The following NPAS1 variants were observed in gnomAD, a reference collection of about 807,000 sequenced individuals.
NPAS1 encodes neuronal PAS domain-containing protein 1.
In NPAS1, 29 loss-of-function variants were observed where a neutral mutation model predicts 49.2. That is an observed-to-expected ratio of 0.59 (90% confidence interval 0.44 to 0.80). The LOEUF is 0.80. NPAS1 is among the 30% of genes least tolerant of loss of function. The probability of loss-of-function intolerance (pLI) is 0.00; values close to 1 mark genes in which losing one functional copy is unlikely to be tolerated. For missense variants in NPAS1, 825 were observed against 835.5 expected (o/e 0.99, Z 0.15); for synonymous variants, 408 against 380.4 (o/e 1.07, Z -0.84).
intron 5 of NPAS1, 123 bp from the exon 6 acceptor site, chr19:47,035,837 TAAAA>T (rs376623293): frequency 4.1e-6 from 4 of 973,706 alleles, no homozygotes; most frequent in African/African-American, 1.7e-5. Flanking sequence ...TTTCTTTTCT[TAAAA>T]AAACACACTG....
intron 3 of NPAS1, among the ~76,000 whole-genome samples, chr19:47,022,470 G>A (rs932473992): frequency 6.6e-6 from 1 of 152,260 alleles, no homozygotes; most frequent in Admixed American, 6.5e-5. Context: ...CTCCCCCAGG[G>A]GGCTGAGCAG....
At chr19:47,033,012 T>G (rs1241218374) in intron 5 of NPAS1, among the ~76,000 whole-genome samples, 9 of 152,284 alleles carry the variant, frequency 5.9e-5, no homozygotes, top group Non-Finnish European at 8.8e-5. Context: ...CGATCTTCGC[T>G]CAGTGCAACC....
intron 3 of NPAS1, among the ~76,000 whole-genome samples, chr19:47,029,007 T>TCTCTG (rs1409553401): frequency 6.6e-6 from 1 of 152,082 alleles, no homozygotes; most frequent in Non-Finnish European, 1.5e-5. Context: ...TCTCTGTCTC[T>TCTCTG]CTCTGCATCT....
At chr19:47,040,757 G>T in intron 9 of NPAS1, 2 of 598,830 alleles carry the variant, frequency 3.3e-6, no homozygotes, top group Non-Finnish European at 2.9e-6. Flanking sequence ...GGTCTGGGGG[G>T]CTGTGGGGTC....
At position 47,032,308 on chromosome 19, in the gene NPAS1, T is replaced by C; in HGVS notation, c.389T>C (p.Val130Ala). Residue 130 changes from valine (V) to alanine (A), a missense_variant, in exon 4 of 12, where the codon GTC becomes GCC. Coordinates refer to ENST00000602212, the MANE Select transcript of NPAS1 (RefSeq NM_002517.4). The part of the protein sequence containing the change: ...APGRRGPAAL[V>A]SEVFEQHLGG... ...GGCCGCCGCGGCCCCGCAGCGCTGGTCTCCGAAGTCTTCGAGCAGCACCTG... is the reference window on the plus strand; with the variant it reads ...GGCCGCCGCGGCCCCGCAGCGCTGGCCTCCGAAGTCTTCGAGCAGCACCTG... The C allele has an allele frequency of 6.2e-7, 1 of 1,613,958 alleles. No homozygotes were observed. The highest frequency in any genetic ancestry group is 8.5e-7 in the Non-Finnish European group (1 of 1,179,998).
At chr19:47,027,558 G>C (rs1431327983) in intron 3 of NPAS1, among the ~76,000 whole-genome samples, 4 of 18,648 alleles carry the variant, frequency 2.1e-4, no homozygotes, top group South Asian at 9.2e-4. Context: ...TCTCCTGTCT[G>C]TCTGCCCCTG....
At chr19:47,028,236 C>T (rs2056886158) in intron 3 of NPAS1, among the ~76,000 whole-genome samples, 1 of 152,122 alleles carries the variant, frequency 6.6e-6, no homozygotes, top group African/African-American at 2.4e-5. Context: ...AGCATTGTTC[C>T]TGCCTGTCAC....
At chr19:47,020,302 G>C (rs1386645465) in intron 1 of NPAS1, among the ~76,000 whole-genome samples, 1 of 152,060 alleles carries the variant, frequency 6.6e-6, no homozygotes, top group African/African-American at 2.4e-5. Flanking sequence ...GGGATCAGGA[G>C]ACCAGGACAC....
chr19:47,028,137 C>T (rs1283726927), intron 3 of NPAS1, among the ~76,000 whole-genome samples: 1 of 151,616 alleles, frequency 6.6e-6, no homozygotes, highest in East Asian at 1.9e-4. Flanking sequence ...TTAATTGCAG[C>T]GGTTCAGTCT....
rs1467052003 is a variant in NPAS1 at position 47,021,263 on chromosome 19, C to T, written c.122+94C>T. ...CCCGTGCCAAGGGGCAGTTCACACC[C>T]AGCTCCCTGACCCGCCCCTTAGGGC... is the stretch of plus-strand genomic sequence containing the variant. On this transcript the variant is annotated intron_variant, in intron 2 of 11. Coordinates refer to ENST00000602212, the MANE Select transcript of NPAS1 (RefSeq NM_002517.4). This position sits in a 1 kb window ranked among gnomAD's most constrained non-coding sequence, Gnocchi z 5.7. The T allele has an allele frequency of 8.4e-5, 98 of 1,170,512 alleles. No individual in the cohort carries two copies. The highest frequency in any genetic ancestry group is 1.1e-4 in the Non-Finnish European group (95 of 853,410). The allele number at this position is 1,170,512 out of a possible 1,614,324, so 72.5% of individuals were successfully genotyped here.
intron 11 of NPAS1, among the ~76,000 whole-genome samples, chr19:47,044,846 A>G (rs1568512498): frequency 6.6e-6 from 1 of 152,112 alleles, no homozygotes; most frequent in Non-Finnish European, 1.5e-5. Context: ...TCTGGCCAAC[A>G]TGGCGACACC....
chr19:47,033,686 G>A (rs373866534), intron 5 of NPAS1, among the ~76,000 whole-genome samples: 12 of 151,976 alleles, frequency 7.9e-5, no homozygotes, highest in East Asian at 1.9e-4. Flanking sequence ...GGCCACCCAC[G>A]CTGGCTCATG....
At chr19:47,040,385 C>G (rs1599919126) in intron 8 of NPAS1, 59 bp from the exon 9 acceptor site, 3 of 1,219,134 alleles carry the variant, frequency 2.5e-6, no homozygotes, top group Non-Finnish European at 3.5e-6. Context: ...GGAGCCAACT[C>G]TGCCTCTCCC....
rs1243355023 is a variant in NPAS1 at position 47,020,994 on chromosome 19, C to T, written c.-42-12C>T. On this transcript the variant is annotated splice_polypyrimidine_tract_variant and intron_variant, in intron 1 of 11. Coordinates refer to ENST00000602212, the MANE Select transcript of NPAS1 (RefSeq NM_002517.4). ...GGCACTAAGCGTTGCCCCTGGCCCC[C>T]TCCCGCTGCAGGAGACTCGGGGCTC... The T allele has an allele frequency of 3.3e-6, 5 of 1,536,090 alleles. No individual in the cohort carries two copies. The highest frequency in any genetic ancestry group is 3.5e-6 in the Non-Finnish European group (4 of 1,143,614).
At chr19:47,035,875 G>A (rs2056948462) in intron 5 of NPAS1, 89 bp from the exon 6 acceptor site, 3 of 1,344,864 alleles carry the variant, frequency 2.2e-6, no homozygotes, top group South Asian at 1.6e-5. Context: ...CTGCGTGCAG[G>A]CAAATGAGGC....
At chr19:47,032,421 C>G in intron 4 of NPAS1, 70 bp downstream of exon 4, 1 of 1,501,034 alleles carries the variant, frequency 6.7e-7, no homozygotes, top group South Asian at 1.1e-5. Context: ...AGAACAGCAG[C>G]CTCTTCAGCA....
At chr19:47,032,934 T>C (rs1160221799) in intron 5 of NPAS1, among the ~76,000 whole-genome samples, 1 of 151,964 alleles carries the variant, frequency 6.6e-6, no homozygotes, top group Non-Finnish European at 1.5e-5. Flanking sequence ...CTATTGTTTT[T>C]TGTTTGTTTG....
intron 3 of NPAS1, among the ~76,000 whole-genome samples, chr19:47,023,435 G>C: frequency 6.6e-6 from 1 of 152,182 alleles, no homozygotes; most frequent in East Asian, 1.9e-4. Flanking sequence ...AGTGGAAGTA[G>C]GGTCAGGACA....
intron 8 of NPAS1, 136 bp downstream of exon 8, chr19:47,039,700 G>A (rs1468142672): frequency 1.0e-5 from 10 of 998,188 alleles, no homozygotes; most frequent in Non-Finnish European, 4.3e-6. Flanking sequence ...GCAATGGATG[G>A]GACAGGGTGA....
Sources: allele counts gnomAD v4.1 joint callset (sites outside exome capture counted in the v4.1 genomes callset), GRCh38; gene constraint gnomAD v4.1.1; non-coding constraint Gnocchi (gnomAD v3.1); transcripts MANE v1.5; gene names NCBI Gene and HGNC (gene_info 2026-07-23, HGNC 2026-07-21).